The following ARHGAP24 variants were observed in gnomAD, a reference collection of about 807,000 sequenced individuals.
ARHGAP24 encodes Rho GTPase activating protein 24, also known as rho GTPase-activating protein 24.
In ARHGAP24, 50 loss-of-function variants were observed where a neutral mutation model predicts 76.4. The observed-to-expected ratio is 0.65, with a 90% CI of 0.52 to 0.83. The LOEUF is 0.83. ARHGAP24 is among the 40% of genes least tolerant of loss of function. ARHGAP24 has a pLI of 0.00. For synonymous variants in ARHGAP24, 345 were observed against 323.3 expected (o/e 1.07, Z -0.72); for missense variants, 930 against 914.2 (o/e 1.02, Z -0.22).
intron 8 of ARHGAP24, among the ~76,000 whole-genome samples, chr4:85,987,393 A>G (rs1029634284): frequency 2.6e-5 from 4 of 152,028 alleles, no homozygotes; most frequent in African/African-American, 9.7e-5. Context: ...TCAGTAACCA[A>G]CTGTATAAAG....
chr4:85,565,607 A>C (rs1309070173), intron 1 of ARHGAP24, among the ~76,000 whole-genome samples: 3 of 152,164 alleles, frequency 2.0e-5, no homozygotes, highest in Non-Finnish European at 4.4e-5. Flanking sequence ...GGGAGCGTGC[A>C]TTCACTGAGT....
intron 7 of ARHGAP24, chr4:85,975,502 A>G: frequency 6.5e-6 from 1 of 152,906 alleles, no homozygotes; most frequent in South Asian, 2.1e-4. Flanking sequence ...AGGTTTCATC[A>G]AAGACATTTG....
chr4:85,639,196 A>T (rs912081669), intron 2 of ARHGAP24, among the ~76,000 whole-genome samples: 1 of 152,000 alleles, frequency 6.6e-6, no homozygotes, highest in Admixed American at 6.6e-5. Context: ...CTTTAATCAC[A>T]CTCTTAGATA....
At chr4:85,784,947 CTA>C (rs1560631958) in intron 3 of ARHGAP24, among the ~76,000 whole-genome samples, 101 of 150,400 alleles carry the variant, frequency 6.7e-4, no homozygotes, top group Middle Eastern at 3.5e-3. Context: ...ATCTATCTAT[CTA>C]TCTATCTATC....
At chr4:85,647,834 A>C (rs1191602968) in intron 2 of ARHGAP24, among the ~76,000 whole-genome samples, 1 of 151,898 alleles carries the variant, frequency 6.6e-6, no homozygotes, top group African/African-American at 2.4e-5. Context: ...CCCTATGTCC[A>C]TTTTTGCTTT....
At chr4:85,729,798 T>C (rs1396070129) in intron 3 of ARHGAP24, among the ~76,000 whole-genome samples, 1 of 152,214 alleles carries the variant, frequency 6.6e-6, no homozygotes, top group African/African-American at 2.4e-5. Flanking sequence ...ACTTCTCAAA[T>C]ATCAGAAATA....
chr4:85,910,403 C>T (rs985320369), intron 3 of ARHGAP24, among the ~76,000 whole-genome samples: 2 of 152,198 alleles, frequency 1.3e-5, no homozygotes, highest in Non-Finnish European at 1.5e-5. Flanking sequence ...ACCAAGAACT[C>T]AGACAAGTGG....
At chr4:85,629,586 T>C (rs188385618) in intron 2 of ARHGAP24, among the ~76,000 whole-genome samples, 1 of 152,188 alleles carries the variant, frequency 6.6e-6, no homozygotes, top group Non-Finnish European at 1.5e-5. Context: ...ATTATATCTC[T>C]CCTTTGTTTC....
At chr4:85,506,949 T>C (rs1724081382) in intron 1 of ARHGAP24, among the ~76,000 whole-genome samples, 1 of 152,076 alleles carries the variant, frequency 6.6e-6, no homozygotes, top group African/African-American at 2.4e-5. Flanking sequence ...AAAACACACA[T>C]TTAGAAAACT....
intron 3 of ARHGAP24, among the ~76,000 whole-genome samples, chr4:85,873,530 C>G (rs1732658658): frequency 6.6e-6 from 1 of 152,104 alleles, no homozygotes; most frequent in Non-Finnish European, 1.5e-5. Context: ...ATAGCAGGAG[C>G]TCATACGGTA....
At chr4:85,672,953 C>G (rs1722858960) in intron 2 of ARHGAP24, among the ~76,000 whole-genome samples, 2 of 152,292 alleles carry the variant, frequency 1.3e-5, no homozygotes, top group South Asian at 4.1e-4. Context: ...ATATGCAACT[C>G]TTTCTCTGAG....
intron 2 of ARHGAP24, among the ~76,000 whole-genome samples, chr4:85,679,680 A>G (rs556393486): frequency 7.9e-5 from 12 of 152,122 alleles, no homozygotes; most frequent in African/African-American, 2.4e-4. Context: ...CTGGAATCCT[A>G]TACTCTGCAG....
intron 3 of ARHGAP24, among the ~76,000 whole-genome samples, chr4:85,897,594 G>GCT (rs561139755): frequency 3.2e-4 from 49 of 152,220 alleles, no homozygotes; most frequent in African/African-American, 1.1e-3. Flanking sequence ...AATTAAAAGG[G>GCT]CTATGAAGCC....
intron 2 of ARHGAP24, among the ~76,000 whole-genome samples, chr4:85,622,709 A>C (rs1284863366): frequency 1.3e-5 from 2 of 152,190 alleles, no homozygotes; most frequent in Non-Finnish European, 2.9e-5. Context: ...TTACAGTCCC[A>C]ACAACAGTGT....
At chr4:85,751,794 G>T (rs1230055319) in intron 3 of ARHGAP24, among the ~76,000 whole-genome samples, 1 of 152,300 alleles carries the variant, frequency 6.6e-6, no homozygotes, top group African/African-American at 2.4e-5. Flanking sequence ...TTGAAAAGGG[G>T]AGAGGAAGAA....
intron 1 of ARHGAP24, among the ~76,000 whole-genome samples, chr4:85,516,931 T>C (rs1170354050): frequency 6.6e-6 from 1 of 152,152 alleles, no homozygotes; most frequent in Admixed American, 6.6e-5. Flanking sequence ...ATATAATTCA[T>C]TTGTAGTTTA....
chr4:85,857,828 A>G (rs536772108), intron 3 of ARHGAP24, among the ~76,000 whole-genome samples: 1 of 152,154 alleles, frequency 6.6e-6, no homozygotes, highest in African/African-American at 2.4e-5. Context: ...GTTAGTGAGC[A>G]TGGTAGACTG....
chr4:85,543,991 C>T (rs1263734053), intron 1 of ARHGAP24, among the ~76,000 whole-genome samples: 1 of 152,116 alleles, frequency 6.6e-6, no homozygotes, highest in Non-Finnish European at 1.5e-5. Context: ...ATTTTTCCTG[C>T]TCCCACAACC....
chr4:85,743,538 A>AGCCTAC (rs1192719625), intron 3 of ARHGAP24, among the ~76,000 whole-genome samples: 1 of 150,660 alleles, frequency 6.6e-6, no homozygotes, highest in East Asian at 1.9e-4. Flanking sequence ...ACTGTACTCT[A>AGCCTAC]GCCTACGTGA....
Sources: gnomAD v4.1 joint callset for allele counts (sites outside exome capture counted in the v4.1 genomes callset) on GRCh38, gnomAD v4.1.1 for gene constraint, MANE v1.5 for transcripts, NCBI Gene and HGNC (gene_info 2026-07-23, HGNC 2026-07-21) for gene names.